The following WWOX variants were observed in gnomAD, a reference collection of about 807,000 sequenced individuals.
WWOX encodes WW domain containing oxidoreductase.
A neutral mutation model predicts 46.2 loss-of-function variants in WWOX; 69 were observed. That is an observed-to-expected ratio of 1.49 (90% CI 1.23 to 1.82). The LOEUF is 1.82. WWOX is among the 40% of genes most tolerant of loss of function. The probability of loss-of-function intolerance (pLI) is 0.00; values close to 1 mark genes in which losing one functional copy is unlikely to be tolerated. For missense variants in WWOX, 919 were observed against 542.6 expected (o/e 1.69, Z -6.89); for synonymous variants, 359 against 202.6 (o/e 1.77, Z -6.56).
intron 5 of WWOX, among the ~76,000 whole-genome samples, chr16:78,245,003 C>A (rs1042315208): frequency 7.8e-4 from 119 of 152,204 alleles, no homozygotes; most frequent in African/African-American, 2.7e-3. Flanking sequence ...ATGCCCAGGC[C>A]ATTTTGTTTT....
intron 8 of WWOX, among the ~76,000 whole-genome samples, chr16:78,729,662 C>A (rs1185136590): frequency 6.6e-6 from 1 of 152,118 alleles, no homozygotes; most frequent in Non-Finnish European, 1.5e-5. Flanking sequence ...GGACTTCTGG[C>A]TTCCGGAACT....
At chr16:78,423,901 C>T (rs1362966704) in intron 6 of WWOX, among the ~76,000 whole-genome samples, 1 of 151,320 alleles carries the variant, frequency 6.6e-6, no homozygotes, top group Non-Finnish European at 1.5e-5. Flanking sequence ...TGACAGGCTT[C>T]CACTTACCTA....
chr16:79,073,506 A>G (rs2048591277), intron 8 of WWOX, among the ~76,000 whole-genome samples: 1 of 152,116 alleles, frequency 6.6e-6, no homozygotes, highest in Admixed American at 6.5e-5. Flanking sequence ...ATATGGATTT[A>G]TCATTTTAGG....
intron 8 of WWOX, among the ~76,000 whole-genome samples, chr16:79,117,027 TCAA>T (rs1461800829): frequency 6.7e-6 from 1 of 150,180 alleles, no homozygotes; most frequent in Non-Finnish European, 1.5e-5. Context: ...AGGTACATTG[TCAA>T]CAAGTGGAAT....
chr16:78,257,845 G>A (rs539757942), intron 5 of WWOX, among the ~76,000 whole-genome samples: 16 of 152,116 alleles, frequency 1.1e-4, no homozygotes, highest in Non-Finnish European at 1.8e-4. Flanking sequence ...TTTATGTGAC[G>A]TGGGACAAAT....
intron 8 of WWOX, among the ~76,000 whole-genome samples, chr16:79,073,073 A>G (rs2048581468): frequency 1.3e-5 from 2 of 151,840 alleles, no homozygotes; most frequent in Admixed American, 6.6e-5. Flanking sequence ...CTGTGTATTC[A>G]TTTCCTTTAT....
intron 8 of WWOX, among the ~76,000 whole-genome samples, chr16:78,876,603 T>A (rs1404025358): frequency 6.6e-6 from 1 of 152,176 alleles, no homozygotes; most frequent in Admixed American, 6.5e-5. Flanking sequence ...TTATTTTGCT[T>A]TGGATAATTT....
rs754968771 is a variant in WWOX, at chr16:79,133,105, G to C, written c.1057-78503G>C. On this transcript the variant is annotated intron_variant, in intron 8 of 8. Coordinates refer to ENST00000566780, the MANE Select transcript of WWOX (RefSeq NM_016373.4). ...TTCTAGGGTTGTTTCTAGTTTCTTC[G>C]TCTTACATAAAGCCCCTGCTAATTT... 2.0e-5 allele frequency among the ~76,000 whole-genome samples: 3 copies of C among 152,236 alleles called. No individual in the cohort carries two copies. In the East Asian group the frequency reaches 5.8e-4, roughly 29 times the overall value.
chr16:78,760,605 C>A (rs922446468), intron 8 of WWOX, among the ~76,000 whole-genome samples: 1 of 152,138 alleles, frequency 6.6e-6, no homozygotes, highest in Non-Finnish European at 1.5e-5. Flanking sequence ...TGTCTCCCCT[C>A]CAAGAACAGG....
At chr16:78,368,396 A>T (rs2081590072) in intron 5 of WWOX, among the ~76,000 whole-genome samples, 1 of 152,190 alleles carries the variant, frequency 6.6e-6, no homozygotes, top group Admixed American at 6.5e-5. Flanking sequence ...GATATCCCAG[A>T]AAGGAGTGTG....
intron 5 of WWOX, among the ~76,000 whole-genome samples, chr16:78,327,556 A>G (rs780435687): frequency 1.6e-4 from 25 of 152,060 alleles, no homozygotes; most frequent in Non-Finnish European, 3.1e-4. Context: ...ATCTCCTCCA[A>G]TCATTTGGGG....
At chr16:78,385,160 C>CACACACACACAG (rs1437530466) in intron 5 of WWOX, among the ~76,000 whole-genome samples, 1 of 151,780 alleles carries the variant, frequency 6.6e-6, no homozygotes, top group African/African-American at 2.4e-5. Flanking sequence ...CACACACACA[C>CACACACACACAG]AAAAGCACAG....
intron 8 of WWOX, among the ~76,000 whole-genome samples, chr16:79,208,877 G>A (rs1418331485): frequency 6.6e-6 from 1 of 152,188 alleles, no homozygotes; most frequent in African/African-American, 2.4e-5. Flanking sequence ...GTGTGTATGG[G>A]ACCAACAAGA....
At chr16:78,175,191 G>C (rs1001231113) in intron 5 of WWOX, among the ~76,000 whole-genome samples, 2 of 151,932 alleles carry the variant, frequency 1.3e-5, no homozygotes, top group Non-Finnish European at 2.9e-5. Flanking sequence ...TAATGCTGGA[G>C]AGAAGTAGGG....
chr16:79,007,376 G>A (rs2047211310), intron 8 of WWOX, among the ~76,000 whole-genome samples: 1 of 152,198 alleles, frequency 6.6e-6, no homozygotes, highest in Admixed American at 6.5e-5. Flanking sequence ...CCAGGCAAAA[G>A]GAATGGCAAA....
intron 6 of WWOX, among the ~76,000 whole-genome samples, chr16:78,399,011 G>C (rs901054763): frequency 6.7e-6 from 1 of 148,784 alleles, no homozygotes; most frequent in African/African-American, 2.6e-5. Flanking sequence ...GGGATGAGTG[G>C]CTGGCTGGCT....
intron 8 of WWOX, among the ~76,000 whole-genome samples, chr16:79,100,466 C>A (rs866223668): frequency 6.6e-6 from 1 of 152,012 alleles, no homozygotes; most frequent in African/African-American, 2.4e-5. Flanking sequence ...GCAAACGGGC[C>A]CAAATCTTAC....
intron 1 of WWOX, among the ~76,000 whole-genome samples, chr16:78,104,207 CCTG>C (rs1032795386): frequency 4.0e-5 from 6 of 148,296 alleles, no homozygotes; most frequent in African/African-American, 1.5e-4. Flanking sequence ...TCTAGATCTC[CCTG>C]CTAACTTACA....
intron 8 of WWOX, among the ~76,000 whole-genome samples, chr16:78,569,223 A>G (rs2044652764): frequency 6.6e-6 from 1 of 152,256 alleles, no homozygotes; most frequent in African/African-American, 2.4e-5. Context: ...AGAAGAATCA[A>G]AAATAGAAAA....
Sources: allele counts gnomAD v4.1 joint callset (sites outside exome capture counted in the v4.1 genomes callset), GRCh38; gene constraint gnomAD v4.1.1; transcripts MANE v1.5; gene names NCBI Gene and HGNC (gene_info 2026-07-23, HGNC 2026-07-21).